ZNF521: variants seen among roughly 807,000 people sequenced by gnomAD.
ZNF521 encodes the protein LYST-interacting protein 3.
Under a neutral mutation model 105.5 loss-of-function variants are expected in ZNF521, and 14 were observed. The observed-to-expected ratio is 0.13, with a 90% confidence interval of 0.09 to 0.21. ZNF521 has a LOEUF of 0.21. ZNF521 is among the 10% of genes least tolerant of loss of function. The pLI is 1.00. For missense variants in ZNF521, 1,233 were observed against 1,629.7 expected (o/e 0.76, Z 4.19); for synonymous variants, 635 against 606.0 (o/e 1.05, Z -0.70).
chr18:25,154,340 T>C (rs1008697515), intron 5 of ZNF521, among the ~76,000 whole-genome samples: 1 of 152,186 alleles, frequency 6.6e-6, no homozygotes, highest in African/African-American at 2.4e-5. Context: ...CCAAGGTTTA[T>C]ACAAGTTGGC....
chr18:25,223,637 G>A (rs1261557192), intron 4 of ZNF521, among the ~76,000 whole-genome samples: 1 of 150,840 alleles, frequency 6.6e-6, no homozygotes, highest in South Asian at 2.2e-4. Context: ...AAATGAACTT[G>A]TTTTTTGTAC....
chr18:25,300,317 T>C (rs1209605021), intron 3 of ZNF521, among the ~76,000 whole-genome samples: 1 of 152,222 alleles, frequency 6.6e-6, no homozygotes, highest in African/African-American at 2.4e-5. Flanking sequence ...AATAAATTCT[T>C]ATTGTTTTGT....
At chr18:25,075,935 T>C (rs1290040235) in intron 7 of ZNF521, among the ~76,000 whole-genome samples, 3 of 152,254 alleles carry the variant, frequency 2.0e-5, no homozygotes, top group Non-Finnish European at 4.4e-5. Flanking sequence ...CATCATTTCA[T>C]GCTGAACTGT....
In ZNF521 at chr18:25,163,007, T is replaced by C. The variant is rs1334952433; in HGVS notation, c.3658+32153A>G. ...GGCACTTGCATATATTTTTCTCCATTGTTCCATCTGTATTTTGCTCTTTCA... is the reference window on the plus strand; with the variant it reads ...GGCACTTGCATATATTTTTCTCCATCGTTCCATCTGTATTTTGCTCTTTCA... On this transcript the variant is annotated intron_variant, in intron 5 of 7. Transcript: ENST00000361524. 4.6e-5 allele frequency among the ~76,000 whole-genome samples: 7 copies of C among 152,204 alleles called. No individual in the cohort carries two copies. In the South Asian group the frequency reaches 6.2e-4, roughly 13 times the overall value.
At chr18:25,190,613 C>T (rs969901985) in intron 5 of ZNF521, among the ~76,000 whole-genome samples, 3 of 152,072 alleles carry the variant, frequency 2.0e-5, no homozygotes, top group Admixed American at 6.6e-5. Flanking sequence ...TACTGAAAGT[C>T]GCAAAACAAT....
At chr18:25,084,027 G>A (rs1183073477) in intron 7 of ZNF521, among the ~76,000 whole-genome samples, 3 of 135,398 alleles carry the variant, frequency 2.2e-5, no homozygotes, top group South Asian at 2.5e-4. Context: ...CAAGTGATCC[G>A]CCTGCCTCAG....
intron 3 of ZNF521, among the ~76,000 whole-genome samples, chr18:25,304,413 G>T (rs150581865): frequency 2.0e-5 from 3 of 152,308 alleles, no homozygotes; most frequent in African/African-American, 7.2e-5. Context: ...ATGTGAAACA[G>T]ATTTTTATTA....
At chr18:25,068,514 T>C (rs2033131316) in intron 7 of ZNF521, among the ~76,000 whole-genome samples, 1 of 152,184 alleles carries the variant, frequency 6.6e-6, no homozygotes, top group Non-Finnish European at 1.5e-5. Context: ...TTTAATTTTT[T>C]TTTTTAAACA....
chr18:25,228,187 GT>G (rs2144745842), intron 3 of ZNF521, among the ~76,000 whole-genome samples: 1 of 152,284 alleles, frequency 6.6e-6, no homozygotes, highest in African/African-American at 2.4e-5. Context: ...CATTTTGCTT[GT>G]TTTTATATAA....
chr18:25,111,551 T>C (rs1296218866), intron 5 of ZNF521, among the ~76,000 whole-genome samples: 2 of 152,248 alleles, frequency 1.3e-5, no homozygotes, highest in African/African-American at 4.8e-5. Flanking sequence ...CTTTGCCAAC[T>C]GCTACATAAT....
intron 5 of ZNF521, among the ~76,000 whole-genome samples, chr18:25,132,203 A>G (rs191867640): frequency 3.5e-4 from 54 of 152,294 alleles, no homozygotes; most frequent in Admixed American, 3.3e-3. Context: ...ATCACAAACT[A>G]CAAATCTTTG....
chr18:25,169,079 C>T (rs1047087679), intron 5 of ZNF521, among the ~76,000 whole-genome samples: 1 of 152,096 alleles, frequency 6.6e-6, no homozygotes, highest in Non-Finnish European at 1.5e-5. Context: ...ATTCCATGGA[C>T]AGAATATATA....
rs529485621 is a variant in ZNF521, at chr18:25,254,319, TAAC to T, written c.221-26625_221-26623del. ...GTAGAAGCATGTACACTATCTAAGTTAACACATTTCAGTGCCATCTTGATAGGG... is the reference window on the plus strand; with the variant it reads ...GTAGAAGCATGTACACTATCTAAGTTACATTTCAGTGCCATCTTGATAGGG... On this transcript the variant is annotated intron_variant, in intron 3 of 7. Transcript: ENST00000361524. Among the ~76,000 whole-genome samples the T allele has an allele frequency of 1.3e-3, 199 of 152,222 alleles. 2 individuals are homozygous for T. Among genetic ancestry groups the T allele is most frequent in the African/African-American group, 4.7e-3 (194 of 41,548 alleles).
At chr18:25,335,970 G>T (rs1460669341) in intron 2 of ZNF521, among the ~76,000 whole-genome samples, 2 of 152,138 alleles carry the variant, frequency 1.3e-5, no homozygotes, top group Non-Finnish European at 2.9e-5. Context: ...GATTGAACAA[G>T]CAAGGGAAGT....
At chr18:25,295,912 C>T (rs543107386) in intron 3 of ZNF521, among the ~76,000 whole-genome samples, 40 of 152,296 alleles carry the variant, frequency 2.6e-4, no homozygotes, top group Admixed American at 8.5e-4. Context: ...TTTAAACTCC[C>T]GCCAGCAGTG....
At chr18:25,268,398 G>A (rs1403554044) in intron 3 of ZNF521, among the ~76,000 whole-genome samples, 1 of 152,196 alleles carries the variant, frequency 6.6e-6, no homozygotes. Context: ...AACCTAGCAA[G>A]ACAGGCCAAC....
chr18:25,110,433 G>T (rs1230827661), intron 5 of ZNF521, among the ~76,000 whole-genome samples: 1 of 121,962 alleles, frequency 8.2e-6, no homozygotes, highest in Non-Finnish European at 1.9e-5. Flanking sequence ...TGAATGGAAG[G>T]CAGGAGACCA....
intron 3 of ZNF521, among the ~76,000 whole-genome samples, chr18:25,283,495 C>G (rs770125136): frequency 3.9e-5 from 6 of 152,178 alleles, no homozygotes; most frequent in Non-Finnish European, 8.8e-5. Context: ...CAGGATTTTG[C>G]TGTATCAGCA....
Position 25,342,408 on chromosome 18 carries a change from G to GTTTT in ZNF521, c.40+8495_40+8498dup, listed in dbSNP as rs756445552. ...CAGCCTTTTTCCTTTTCTTTCCTTT[G>GTTTT]TTTTTTTTTTGTTTGTTTGTTTGTT... is the stretch of plus-strand genomic sequence containing the variant. On this transcript the variant is annotated intron_variant, in intron 2 of 7. Transcript: ENST00000361524. Among the ~76,000 whole-genome samples the GTTTT allele has an allele frequency of 1.5e-3, 161 of 110,944 alleles. 1 individual carries two copies. Among genetic ancestry groups the GTTTT allele is most frequent in the East Asian group, 0.011 (48 of 4,224 alleles). 72.8% of individuals were successfully genotyped at this position (110,944 alleles called of 152,430 possible).
Sources: gnomAD v4.1 joint callset for allele counts (sites outside exome capture counted in the v4.1 genomes callset) on GRCh38, gnomAD v4.1.1 for gene constraint, MANE v1.5 for transcripts, NCBI Gene and HGNC (gene_info 2026-07-23, HGNC 2026-07-21) for gene names.